COA5: variants seen among roughly 807,000 people sequenced by gnomAD.
The protein encoded by COA5 is cytochrome c oxidase assembly factor 5.
A neutral mutation model predicts 11.8 loss-of-function variants in COA5; 11 were observed. That is an observed-to-expected ratio of 0.93 (90% CI 0.59 to 1.54). The LOEUF is 1.54. Among genes scored for constraint, COA5 ranks in the 40% most tolerant of loss-of-function variants. The pLI is 0.00. For missense variants in COA5, 87 were observed against 89.2 expected, an observed-to-expected ratio of 0.97 and a Z score of 0.10; for synonymous variants, 38 against 37.5, an observed-to-expected ratio of 1.01 and a Z score of -0.05.
intron 2 of COA5, chr2:98,602,240 T>G (rs1700651203): frequency 1.3e-5 from 2 of 152,232 alleles, no homozygotes; most frequent in Admixed American, 1.3e-4. Context: ...CCCACACAAT[T>G]TAAATGTTTA....
chr2:98,605,880 G>C (rs1374102413), intron 1 of COA5: 1 of 152,224 alleles, frequency 6.6e-6, no homozygotes, highest in Non-Finnish European at 1.5e-5. Flanking sequence ...TCATCCAGGA[G>C]TCATTAAATC....
rs747716264 is a variant in COA5, at chr2:98,600,821, A to G, written c.184-28T>C. 13 of 1,438,158 alleles carry G rather than the reference A, an allele frequency of 9.0e-6. No individual in the cohort carries two copies. In the South Asian group the frequency reaches 1.5e-4, roughly 17 times the overall value. 89.1% of individuals were successfully genotyped at this position (1,438,158 alleles called of 1,614,324 possible). A position where few individuals can be genotyped will look rare whatever the true frequency, so the allele number is the denominator to read the frequency against. On this transcript the variant is annotated intron_variant, in intron 2 of 2. Coordinates refer to ENST00000328709, the MANE Select transcript of COA5 (RefSeq NM_001008215.3). ...GAAAATAAATATACAATTAAATCAA[A>G]TTTGGTACAATGTAATTAATTAAAC...
chr2:98,604,940 G>C (rs1262430565), intron 1 of COA5: 1 of 152,284 alleles, frequency 6.6e-6, no homozygotes, highest in Non-Finnish European at 1.5e-5. Context: ...CTGCAATTCT[G>C]CTGGTGGGAT....
At chr2:98,607,063 A>G (rs1039230069) in intron 1 of COA5, among the ~76,000 whole-genome samples, 11 of 152,250 alleles carry the variant, frequency 7.2e-5, no homozygotes, top group Non-Finnish European at 1.5e-4. Context: ...CCCTTGGGCT[A>G]ACGCATTTTT....
At chr2:98,606,968 T>C (rs750869647) in intron 1 of COA5, among the ~76,000 whole-genome samples, 20 of 152,220 alleles carry the variant, frequency 1.3e-4, no homozygotes, top group Non-Finnish European at 2.4e-4. Context: ...ACTCCTTTAC[T>C]TGATAAACTA....
At chr2:98,600,874 G>A (rs747375854) in intron 2 of COA5, 81 bp from the exon 3 acceptor site, 15 of 888,230 alleles carry the variant, frequency 1.7e-5, no homozygotes, top group Admixed American at 4.0e-5. Flanking sequence ...GGGTATCACC[G>A]CATGAGAGAA....
rs1700616994 is a variant in COA5 at position 98,599,884 on chromosome 2, TTAGCAATGACA to T, written c.*857_*867del. On this transcript the variant is annotated 3_prime_UTR_variant, in exon 3 of 3. Coordinates refer to ENST00000328709, the MANE Select transcript of COA5 (RefSeq NM_001008215.3). ...CTCATCCATGTGATTCTGACAGGAGTTAGCAATGACAGTGCAGATAGATAGCCCAGGCCTGG... is the reference window on the plus strand; with the variant it reads ...CTCATCCATGTGATTCTGACAGGAGTGTGCAGATAGATAGCCCAGGCCTGG... 1 of 152,326 alleles carries T rather than the reference TTAGCAATGACA, an allele frequency of 6.6e-6. No homozygotes were observed. Among genetic ancestry groups the T allele is most frequent in the Non-Finnish European group, 1.5e-5 (1 of 68,104 alleles). The allele number at this position is 152,326 out of a possible 1,614,324, so 9.4% of individuals were successfully genotyped here. A position where few individuals can be genotyped will look rare whatever the true frequency, so the allele number is the denominator to read the frequency against.
At chr2:98,602,952 CA>C (rs1700661027) in intron 2 of COA5, among the ~76,000 whole-genome samples, 1 of 152,120 alleles carries the variant, frequency 6.6e-6, no homozygotes, top group South Asian at 2.1e-4. Flanking sequence ...TGAGAGAAGG[CA>C]AGAAAATCCT....
At chr2:98,605,146 C>G (rs1351738204) in intron 1 of COA5, among the ~76,000 whole-genome samples, 1 of 152,180 alleles carries the variant, frequency 6.6e-6, no homozygotes, top group Non-Finnish European at 1.5e-5. Flanking sequence ...GACAGTCATT[C>G]GTTATCCACT....
At chr2:98,605,490 T>C (rs1308343967) in intron 1 of COA5, among the ~76,000 whole-genome samples, 2 of 152,226 alleles carry the variant, frequency 1.3e-5, no homozygotes, top group Non-Finnish European at 2.9e-5. Flanking sequence ...CATGGAAGAC[T>C]GAGGGAAATG....
chr2:98,607,540 A>G (rs998379437), intron 1 of COA5, among the ~76,000 whole-genome samples: 1 of 152,226 alleles, frequency 6.6e-6, no homozygotes, highest in African/African-American at 2.4e-5. Context: ...CTGAAATAAC[A>G]GCAACTTTCT....
In COA5 at chr2:98,604,825, A is replaced by AC. The variant is rs1194447236; in HGVS notation, c.100-635dup. On this transcript the variant is annotated intron_variant, in intron 1 of 2. Transcript: ENST00000328709. ...TTCCTGTTCCCCAGGAGTCTTGGCC[A>AC]CCTTCCAGTCTGTATGTCTGCCTGG... 3 of 152,606 alleles carry AC rather than the reference A, an allele frequency of 2.0e-5. No homozygotes were observed. In the East Asian group the frequency reaches 5.8e-4, roughly 29 times the overall value. 9.5% of individuals were successfully genotyped at this position (152,606 alleles called of 1,614,324 possible).
Position 98,600,729 on chromosome 2 carries a change from C to G in COA5, c.*23G>C. 6.2e-7 allele frequency: 1 copy of G among 1,604,290 alleles called. No individual in the cohort carries two copies. Among genetic ancestry groups the G allele is most frequent in the Non-Finnish European group, 8.5e-7 (1 of 1,172,438 alleles). On this transcript the variant is annotated 3_prime_UTR_variant, in exon 3 of 3. Transcript: ENST00000328709. ...ACCAGGGAAAATATTTGTTGTTTTC[C>G]ATGTTGGCTTCAACATAATGCATCA...
At chr2:98,606,462 C>CCA (rs1700706673) in intron 1 of COA5, among the ~76,000 whole-genome samples, 1 of 152,246 alleles carries the variant, frequency 6.6e-6, no homozygotes, top group Admixed American at 6.5e-5. Context: ...ACTGGTAAGG[C>CCA]CACATATTCA....
At chr2:98,607,466 T>C (rs957973721) in intron 1 of COA5, among the ~76,000 whole-genome samples, 2 of 152,206 alleles carry the variant, frequency 1.3e-5, no homozygotes, top group African/African-American at 4.8e-5. Context: ...CCAAACAAAT[T>C]GTGACTCGGT....
rs772507340 is a variant in COA5, at chr2:98,608,288, G to A, written c.99+19C>T. 5.8e-6 allele frequency: 9 copies of A among 1,562,976 alleles called. No individual in the cohort carries two copies. In the African/African-American group the frequency reaches 1.2e-4, roughly 21 times the overall value. On this transcript the variant is annotated intron_variant, in intron 1 of 2. Coordinates refer to ENST00000328709, the MANE Select transcript of COA5 (RefSeq NM_001008215.3). ...CTGGGACAGGGGTCGTCACCACCGG[G>A]AGCGCCCGGCCGCGCTACCTGGACC...
rs557511770 is a variant in COA5, at chr2:98,603,004, G to C, written c.183+1104C>G. Among the ~76,000 whole-genome samples, 27 of 152,266 alleles carry C rather than the reference G, an allele frequency of 1.8e-4. No homozygotes were observed. The South Asian group carries it at 5.2e-3, about 29-fold the overall frequency. On this transcript the variant is annotated intron_variant, in intron 2 of 2. Transcript: ENST00000328709. The stretch of plus-strand genomic sequence containing the variant: ...AATGACAGGAAAAGATGTCACTTAA[G>C]AAAGTAAACAGAGCAGGGCCAAATT...
chr2:98,608,270 AGGGGTCGTCACC>A, intron 1 of COA5, 25 bp downstream of exon 1: 1 of 1,484,212 alleles, frequency 6.7e-7, no homozygotes, highest in Non-Finnish European at 9.2e-7. Flanking sequence ...TGCCTGGGAC[AGGGGTCGTCACC>A]ACCGGGAGCG....
In COA5 at chr2:98,599,615, G is replaced by T. The variant is rs1269989678; in HGVS notation, c.*1137C>A. The T allele has an allele frequency of 1.3e-5, 2 of 152,160 alleles. No individual in the cohort carries two copies. Among genetic ancestry groups the T allele is most frequent in the African/African-American group, 4.8e-5 (2 of 41,420 alleles). The allele number at this position is 152,160 out of a possible 1,614,324, so 9.4% of individuals were successfully genotyped here. A position where few individuals can be genotyped will look rare whatever the true frequency, so the allele number is the denominator to read the frequency against. ...AAGTGAGCTGTACAACGCCCCGATT[G>T]CTTTAACTCCAGTGAACCACGGAGG... On this transcript the variant is annotated 3_prime_UTR_variant, in exon 3 of 3. Transcript: ENST00000328709.
Sources: allele counts gnomAD v4.1 joint callset (sites outside exome capture counted in the v4.1 genomes callset), GRCh38; gene constraint gnomAD v4.1.1; transcripts MANE v1.5; gene names NCBI Gene and HGNC (gene_info 2026-07-23, HGNC 2026-07-21).